The following SPATC1L variants were observed in gnomAD, a reference collection of about 807,000 sequenced individuals.
The protein encoded by SPATC1L is spermatogenesis and centriole associated 1 like.
Under a neutral mutation model 21.2 loss-of-function variants are expected in SPATC1L, and 20 were observed. The ratio of observed to expected loss-of-function variants is 0.94; its 90% CI spans 0.66 to 1.37. The LOEUF is 1.37. SPATC1L is among the 40% of genes most tolerant of loss of function. The probability of loss-of-function intolerance (pLI) is 0.00; values close to 1 mark genes in which losing one functional copy is unlikely to be tolerated. For missense variants in SPATC1L, 499 were observed against 478.7 expected (o/e 1.04, Z -0.40); for synonymous variants, 290 against 234.5 (o/e 1.24, Z -2.16).
chr21:46,161,370 C>T lies in SPATC1L; in HGVS notation c.*9G>A, dbSNP rs1568994499. On this transcript the variant is annotated 3_prime_UTR_variant, in exon 5 of 5. Coordinates refer to ENST00000291672, the MANE Select transcript of SPATC1L (RefSeq NM_001142854.2). The stretch of plus-strand genomic sequence containing the variant: ...TTTACTGCAGGCAAGGCGGCGGGCG[C>T]GGGGCGGCTCACCAGGCGAAGAGGG... 6 of 1,504,432 alleles carry T rather than the reference C, an allele frequency of 4.0e-6. No individual in the cohort carries two copies. The highest frequency in any genetic ancestry group is 2.6e-5 in the South Asian group (2 of 76,900). The allele number at this position is 1,504,432 out of a possible 1,614,324, so 93.2% of individuals were successfully genotyped here. A position where few individuals can be genotyped will look rare whatever the true frequency, so the allele number is the denominator to read the frequency against.
chr21:46,161,919 C>T lies in SPATC1L; in HGVS notation c.693G>A (p.Glu231=), dbSNP rs1444421337. 7 of 1,606,182 alleles carry T rather than the reference C, an allele frequency of 4.4e-6. No individual in the cohort carries two copies. The highest frequency in any genetic ancestry group is 3.3e-5 in the South Asian group (3 of 90,906). ...GCGCCCTCCCCACGGGGCGCACCTG[C>T]TCGATCTTCTCGGGGATGTTGGCCA... is the stretch of plus-strand genomic sequence containing the variant. ...FTVANIPEKI[E]QTSTKSLDGS... is the part of the protein sequence containing the mutation. The change falls in exon 4 of 5, where the codon GAG becomes GAA. Residue 231 remains glutamate, a synonymous_variant. Transcript: ENST00000291672.
chr21:46,183,076 G>C lies in SPATC1L; in HGVS notation c.-260C>G, dbSNP rs2079689139. 1 of 477,012 alleles carries C rather than the reference G, an allele frequency of 2.1e-6. No homozygotes were observed. Among genetic ancestry groups the C allele is most frequent in the Non-Finnish European group, 3.7e-6 (1 of 271,962 alleles). 29.5% of individuals were successfully genotyped at this position (477,012 alleles called of 1,614,324 possible). A position where few individuals can be genotyped will look rare whatever the true frequency, so the allele number is the denominator to read the frequency against. On this transcript the variant is annotated 5_prime_UTR_variant, in exon 2 of 5. Transcript: ENST00000291672. ...CAGCCACTCCCACATTATGACCAGG[G>C]CCCGAGAATGCCAAGGACATTAGGC...
chr21:46,179,807 G>A (rs991379884), intron 2 of SPATC1L, among the ~76,000 whole-genome samples: 1 of 152,260 alleles, frequency 6.6e-6, no homozygotes, highest in Admixed American at 6.5e-5. Flanking sequence ...CGAGGGAGAC[G>A]AGATGGGGCA....
chr21:46,173,720 C>A (rs1254048328), intron 2 of SPATC1L, among the ~76,000 whole-genome samples: 1 of 152,192 alleles, frequency 6.6e-6, no homozygotes, highest in African/African-American at 2.4e-5. Context: ...TCCAGAGTAA[C>A]TGCACACAGT....
chr21:46,180,952 C>G (rs995808846), intron 2 of SPATC1L, among the ~76,000 whole-genome samples: 1 of 152,224 alleles, frequency 6.6e-6, no homozygotes, highest in Non-Finnish European at 1.5e-5. Context: ...GGAGACCCCG[C>G]CCGGACTCAG....
intron 2 of SPATC1L, among the ~76,000 whole-genome samples, chr21:46,180,184 G>A (rs746764517): frequency 3.3e-5 from 5 of 152,262 alleles, no homozygotes; most frequent in African/African-American, 9.6e-5. Flanking sequence ...CCCACAGAAG[G>A]AGCCCAGTGT....
intron 2 of SPATC1L, among the ~76,000 whole-genome samples, chr21:46,178,576 C>CTT (rs1403153547): frequency 6.6e-6 from 1 of 152,116 alleles, no homozygotes; most frequent in Non-Finnish European, 1.5e-5. Context: ...TACCCCTGAA[C>CTT]TTAAAAGTTT....
intron 3 of SPATC1L, among the ~76,000 whole-genome samples, chr21:46,165,562 A>T (rs1295865823): frequency 7.2e-6 from 1 of 138,810 alleles, no homozygotes; most frequent in Non-Finnish European, 1.5e-5. Context: ...TGACTTAGAT[A>T]TGAGTATGAG....
At chr21:46,164,550 T>C (rs1205819807) in intron 3 of SPATC1L, among the ~76,000 whole-genome samples, 1 of 151,908 alleles carries the variant, frequency 6.6e-6, no homozygotes, top group African/African-American at 2.4e-5. Context: ...TCCCAGCACT[T>C]TGGGAAGCCG....
At chr21:46,164,300 A>G (rs116085901) in intron 3 of SPATC1L, among the ~76,000 whole-genome samples, 1,733 of 152,272 alleles carry the variant, frequency 0.011, 54 homozygotes, top group South Asian at 0.081. Context: ...GGTGTGAGCC[A>G]CTGTGCCTGG....
At position 46,161,361 on chromosome 21, in the gene SPATC1L, C is replaced by T. The variant is rs555111242; in HGVS notation, c.*18G>A. 4 of 1,494,614 alleles carry T rather than the reference C, an allele frequency of 2.7e-6. No homozygotes were observed. Among genetic ancestry groups the T allele is most frequent in the Admixed American group, 4.4e-5 (2 of 45,610 alleles). 92.6% of individuals were successfully genotyped at this position (1,494,614 alleles called of 1,614,324 possible). ...ACAAACGCGTTTACTGCAGGCAAGGCGGCGGGCGCGGGGCGGCTCACCAGG... is the reference window on the plus strand; with the variant it reads ...ACAAACGCGTTTACTGCAGGCAAGGTGGCGGGCGCGGGGCGGCTCACCAGG... On this transcript the variant is annotated 3_prime_UTR_variant, in exon 5 of 5. Coordinates refer to ENST00000291672, the MANE Select transcript of SPATC1L (RefSeq NM_001142854.2).
In SPATC1L at chr21:46,182,642, C is replaced by G; in HGVS notation, c.175G>C (p.Gly59Arg). 2.0e-6 allele frequency: 3 copies of G among 1,519,872 alleles called. No homozygotes were observed. The highest frequency in any genetic ancestry group is 2.6e-6 in the Non-Finnish European group (3 of 1,134,668). 94.1% of individuals were successfully genotyped at this position (1,519,872 alleles called of 1,614,324 possible). The part of the protein sequence containing the change: ...PPRAHAYPEA[G>R]SPGSGVPDFG... ...GCCTCACCTCCGCTCCCGGGGGAGC[C>G]GGCCTCAGGGTAGGCATGCGCCCTG... The change falls in exon 2 of 5, where the codon GGC becomes CGC. Residue 59 changes from glycine to arginine, a missense_variant. Transcript: ENST00000291672.
chr21:46,182,615 G>T lies in SPATC1L; in HGVS notation c.193+9C>A. ...TCTACCAGGCCATCTGAGCTGGGCG[G>T]CGCCTCACCTCCGCTCCCGGGGGAG... On this transcript the variant is annotated intron_variant, in intron 2 of 4. Transcript: ENST00000291672. 1 of 1,474,928 alleles carries T rather than the reference G, an allele frequency of 6.8e-7. No individual in the cohort carries two copies. The highest frequency in any genetic ancestry group is 9.0e-7 in the Non-Finnish European group (1 of 1,113,308). The allele number at this position is 1,474,928 out of a possible 1,614,324, so 91.4% of individuals were successfully genotyped here.
Position 46,172,549 on chromosome 21 carries a change from C to T in SPATC1L, c.194-3891G>A, listed in dbSNP as rs564536102. Among the ~76,000 whole-genome samples, 4 of 152,352 alleles carry T rather than the reference C, an allele frequency of 2.6e-5. No individual in the cohort carries two copies. In the South Asian group the frequency reaches 6.2e-4, roughly 24 times the overall value. Reference sequence around the variant, plus strand: ...CTCTGGGCAGATGGGACCGTTGGTCCTTCCCACAGCTGGTCAGGAGGACCA... The same window carrying T: ...CTCTGGGCAGATGGGACCGTTGGTCTTTCCCACAGCTGGTCAGGAGGACCA... On this transcript the variant is annotated intron_variant, in intron 2 of 4. Transcript: ENST00000291672.
Position 46,162,196 on chromosome 21 carries a change from C to G in SPATC1L, c.545-129G>C. 2 of 1,060,078 alleles carry G rather than the reference C, an allele frequency of 1.9e-6. No individual in the cohort carries two copies. The highest frequency in any genetic ancestry group is 2.6e-6 in the Non-Finnish European group (2 of 755,304). The allele number at this position is 1,060,078 out of a possible 1,614,324, so 65.7% of individuals were successfully genotyped here. A position where few individuals can be genotyped will look rare whatever the true frequency, so the allele number is the denominator to read the frequency against. On this transcript the variant is annotated intron_variant, in intron 3 of 4. Coordinates refer to ENST00000291672, the MANE Select transcript of SPATC1L (RefSeq NM_001142854.2). ...CCCACCTGCCGCCACCCCCCACTGT[C>G]TGGCAAATAGAATCTGAAAGAAAAG...
intron 2 of SPATC1L, among the ~76,000 whole-genome samples, chr21:46,180,986 GA>G (rs985329246): frequency 7.2e-5 from 11 of 152,222 alleles, no homozygotes; most frequent in African/African-American, 2.7e-4. Context: ...TCCCTCTGGG[GA>G]CTGCACAGCC....
chr21:46,175,167 A>C (rs2079623468), intron 2 of SPATC1L, among the ~76,000 whole-genome samples: 1 of 152,256 alleles, frequency 6.6e-6, no homozygotes, highest in Non-Finnish European at 1.5e-5. Context: ...GGCAGTGTTA[A>C]GAGGGAAATT....
chr21:46,174,339 C>CAAAA (rs1555887744), intron 2 of SPATC1L, among the ~76,000 whole-genome samples: 1 of 121,474 alleles, frequency 8.2e-6, no homozygotes, highest in African/African-American at 3.4e-5. Context: ...TCTCAAAAAA[C>CAAAA]AAAACAAAAA....
intron 3 of SPATC1L, among the ~76,000 whole-genome samples, chr21:46,162,327 G>A (rs62214043): frequency 0.06 from 9,064 of 152,122 alleles, 405 homozygotes; most frequent in Non-Finnish European, 0.094. Flanking sequence ...CGGGGGTGGG[G>A]ACTGGTCCCC....
Sources: gnomAD v4.1 joint callset for allele counts (sites outside exome capture counted in the v4.1 genomes callset) on GRCh38, gnomAD v4.1.1 for gene constraint, MANE v1.5 for transcripts, NCBI Gene and HGNC (gene_info 2026-07-23, HGNC 2026-07-21) for gene names.